The following FERMT2 variants were observed in gnomAD, a reference collection of about 807,000 sequenced individuals.
FERMT2 encodes the protein fermitin family homolog 2.
Under a neutral mutation model 82.7 loss-of-function variants are expected in FERMT2, and 15 were observed. The observed-to-expected ratio is 0.18, with a 90% CI of 0.12 to 0.28. FERMT2 has a LOEUF of 0.28. Ranked by LOEUF, FERMT2 falls within the 10% of genes least tolerant of loss-of-function variation. FERMT2 has a pLI of 1.00. For missense variants in FERMT2, 645 were observed against 809.4 expected (o/e 0.80, Z 2.46); for synonymous variants, 274 against 271.5 (o/e 1.01, Z -0.09).
chr14:52,909,305 G>A (rs1243361589), intron 3 of FERMT2, among the ~76,000 whole-genome samples: 1 of 152,102 alleles, frequency 6.6e-6, no homozygotes, highest in Non-Finnish European at 1.5e-5. Flanking sequence ...CGTATGCCTG[G>A]AGCTCTAGGA....
intron 2 of FERMT2, among the ~76,000 whole-genome samples, chr14:52,925,269 A>G (rs556592544): frequency 7.2e-5 from 11 of 152,288 alleles, no homozygotes; most frequent in African/African-American, 2.4e-4. Context: ...AAGTACTTAA[A>G]GGCCAGGAGC....
intron 2 of FERMT2, among the ~76,000 whole-genome samples, chr14:52,926,580 G>A (rs964744338): frequency 1.3e-5 from 2 of 152,000 alleles, no homozygotes; most frequent in Admixed American, 6.6e-5. Flanking sequence ...TTTCTCCAAG[G>A]TCATGATTTT....
intron 2 of FERMT2, among the ~76,000 whole-genome samples, chr14:52,930,371 A>G (rs914101512): frequency 1.3e-5 from 2 of 152,242 alleles, no homozygotes; most frequent in African/African-American, 4.8e-5. Context: ...GTTCCAAATC[A>G]TACAATAAAT....
chr14:52,895,703 T>C (rs529704172), intron 3 of FERMT2, among the ~76,000 whole-genome samples: 4 of 152,322 alleles, frequency 2.6e-5, no homozygotes, highest in Middle Eastern at 6.8e-3. Flanking sequence ...TGAATCTTGA[T>C]TGTGGTGGTT....
chr14:52,883,266 C>T (rs1026090776), intron 4 of FERMT2, among the ~76,000 whole-genome samples: 1 of 152,182 alleles, frequency 6.6e-6, no homozygotes, highest in Non-Finnish European at 1.5e-5. Context: ...ATACTGGGAT[C>T]GTTAGTCCTG....
chr14:52,896,860 G>C (rs1269443043), intron 3 of FERMT2, among the ~76,000 whole-genome samples: 6 of 151,960 alleles, frequency 3.9e-5, no homozygotes, highest in African/African-American at 1.2e-4. Flanking sequence ...GCCAGGCATA[G>C]TGGTGCACAC....
intron 3 of FERMT2, among the ~76,000 whole-genome samples, chr14:52,897,483 G>C (rs1412256514): frequency 1.3e-5 from 2 of 151,924 alleles, no homozygotes; most frequent in Admixed American, 1.3e-4. Flanking sequence ...TCATTTTTCT[G>C]TAAGATTTCT....
chr14:52,873,386 C>T lies in FERMT2; in HGVS notation c.1149-463G>A, dbSNP rs1374138949. Among the ~76,000 whole-genome samples the T allele has an allele frequency of 1.9e-4, 29 of 152,212 alleles. 1 individual carries two copies. Among genetic ancestry groups the T allele is most frequent in the Middle Eastern group, 6.8e-3 (2 of 294 alleles). Reference sequence around the variant, plus strand: ...AAAGTGGGGGATGTGCTTCTTTCTCCGGGGTAAATTCCAATGGTGACATTA... The same window carrying T: ...AAAGTGGGGGATGTGCTTCTTTCTCTGGGGTAAATTCCAATGGTGACATTA... On this transcript the variant is annotated intron_variant, in intron 9 of 14. Coordinates refer to ENST00000341590, the MANE Select transcript of FERMT2 (RefSeq NM_006832.3).
intron 4 of FERMT2, chr14:52,881,913 GA>G: frequency 2.0e-6 from 1 of 512,808 alleles, no homozygotes. Flanking sequence ...AAGAAAATGA[GA>G]AAAAGAAAAA....
chr14:52,911,846 A>G lies in FERMT2; in HGVS notation c.391+7277T>C, dbSNP rs895398921. On this transcript the variant is annotated intron_variant, in intron 3 of 14. Transcript: ENST00000341590. ...TTTATTAAATATATATTACATTATT[A>G]TTTAAGACCAATTAGCTGTTTTCTT... 2.0e-5 allele frequency among the ~76,000 whole-genome samples: 3 copies of G among 152,158 alleles called. No homozygotes were observed. In the East Asian group the frequency reaches 5.8e-4, roughly 29 times the overall value.
rs907264490 is a variant in FERMT2, at chr14:52,901,120, A to G, written c.392-7693T>C. On this transcript the variant is annotated intron_variant, in intron 3 of 14. Transcript: ENST00000341590. ...ACTAAAAATACAAAAAAAAAAAAAA[A>G]AAAAAAAAAAATTAGCTGGGCGTTG... Among the ~76,000 whole-genome samples, 6 of 149,542 alleles carry G rather than the reference A, an allele frequency of 4.0e-5. No individual in the cohort carries two copies. The South Asian group carries it at 8.5e-4, about 21-fold the overall frequency.
At chr14:52,926,218 C>T (rs1016579632) in intron 2 of FERMT2, among the ~76,000 whole-genome samples, 1 of 152,062 alleles carries the variant, frequency 6.6e-6, no homozygotes, top group Admixed American at 6.6e-5. Flanking sequence ...TTTAGTTTTC[C>T]ATGTGGCATC....
Position 52,864,469 on chromosome 14 carries a change from T to C in FERMT2, c.1534A>G (p.Ile512Val). Residue 512 changes from isoleucine (I) to valine (V), a missense_variant, in exon 12 of 15, where the codon ATC (isoleucine) becomes GTC (valine). Physicochemically the swap from Ile to Val is conservative, Grantham distance 29 (BLOSUM62 3). Transcript: ENST00000341590. ...NPDPQLIPEQ[I>V]TTDITPECLV... ...CATTCAGGAGTTATATCAGTCGTGATCTGCTCTGGTATTAACTGAGGATCT... is the reference window on the plus strand; with the variant it reads ...CATTCAGGAGTTATATCAGTCGTGACCTGCTCTGGTATTAACTGAGGATCT... 25 of 1,614,200 alleles carry C rather than the reference T, an allele frequency of 1.5e-5. No individual in the cohort carries two copies. Among genetic ancestry groups the C allele is most frequent in the Non-Finnish European group, 1.9e-5 (22 of 1,180,006 alleles).
intron 3 of FERMT2, among the ~76,000 whole-genome samples, chr14:52,901,432 G>A (rs1887643937): frequency 6.6e-6 from 1 of 152,168 alleles, no homozygotes; most frequent in Non-Finnish European, 1.5e-5. Context: ...AGGTACTGCT[G>A]TGAGGAGTTT....
intron 3 of FERMT2, among the ~76,000 whole-genome samples, chr14:52,916,886 T>C (rs1301447257): frequency 6.6e-6 from 1 of 152,096 alleles, no homozygotes; most frequent in Non-Finnish European, 1.5e-5. Flanking sequence ...AATGGACAAA[T>C]GATATAAACA....
At chr14:52,941,685 T>C (rs1890097383) in intron 2 of FERMT2, among the ~76,000 whole-genome samples, 1 of 152,260 alleles carries the variant, frequency 6.6e-6, no homozygotes, top group Non-Finnish European at 1.5e-5. Context: ...GTAAAATAAT[T>C]ATTTAAATAG....
intron 10 of FERMT2, chr14:52,871,321 G>A (rs1885609350): frequency 6.6e-6 from 1 of 152,302 alleles, no homozygotes; most frequent in Non-Finnish European, 1.5e-5. Context: ...GGAACAGACA[G>A]TGCAGAGCCA....
chr14:52,909,135 G>A (rs1370533831), intron 3 of FERMT2, among the ~76,000 whole-genome samples: 1 of 152,104 alleles, frequency 6.6e-6, no homozygotes, highest in Non-Finnish European at 1.5e-5. Context: ...AGAGAGAGAG[G>A]TGAAAGAGAG....
chr14:52,869,553 T>C (rs1885487801), intron 10 of FERMT2, among the ~76,000 whole-genome samples: 1 of 152,234 alleles, frequency 6.6e-6, no homozygotes, highest in South Asian at 2.1e-4. Flanking sequence ...ACACTGTAGC[T>C]GTATCATAGC....
Sources: allele counts gnomAD v4.1 joint callset (sites outside exome capture counted in the v4.1 genomes callset), GRCh38; gene constraint gnomAD v4.1.1; transcripts MANE v1.5; gene names NCBI Gene and HGNC (gene_info 2026-07-23, HGNC 2026-07-21).